Variants in TEX36 observed in about 807,000 individuals in gnomAD.
The protein encoded by TEX36 is testis expressed 36.
Under a neutral mutation model 13.6 loss-of-function variants are expected in TEX36, and 12 were observed. That is an observed-to-expected ratio of 0.88 (90% CI 0.56 to 1.43). TEX36 has a LOEUF of 1.43. TEX36 is among the 40% of genes most tolerant of loss of function. The pLI is 0.00. For synonymous variants in TEX36, 93 were observed against 83.0 expected, an observed-to-expected ratio of 1.12 and a Z score of -0.65; for missense variants, 224 against 228.3, an observed-to-expected ratio of 0.98 and a Z score of 0.12.
At chr10:125,676,185 A>T (rs546775526) in intron 1 of TEX36, among the ~76,000 whole-genome samples, 1 of 152,334 alleles carries the variant, frequency 6.6e-6, no homozygotes, top group Admixed American at 6.5e-5. Flanking sequence ...TACTGTCTAG[A>T]TTGTCTGTCT....
At chr10:125,599,006 A>G (rs556582510) in intron 3 of TEX36, among the ~76,000 whole-genome samples, 13 of 152,082 alleles carry the variant, frequency 8.5e-5, no homozygotes, top group Non-Finnish European at 1.9e-4. Flanking sequence ...TTTCTTAACC[A>G]TGACCTTGCC....
At chr10:125,629,192 T>C (rs1232068999) in intron 3 of TEX36, among the ~76,000 whole-genome samples, 1 of 152,094 alleles carries the variant, frequency 6.6e-6, no homozygotes, top group South Asian at 2.1e-4. Flanking sequence ...CCAGCACTGG[T>C]CACTCACAAA....
chr10:125,589,607 A>G (rs1845999086), intron 3 of TEX36, among the ~76,000 whole-genome samples: 1 of 152,226 alleles, frequency 6.6e-6, no homozygotes, highest in Non-Finnish European at 1.5e-5. Flanking sequence ...ATATTTCCAG[A>G]ATACATTGAA....
chr10:125,576,782 G>A (rs1350408470), exon 4 of TEX36: 3 of 1,535,524 alleles, frequency 2.0e-6, no homozygotes, highest in Non-Finnish European at 1.7e-6. Flanking sequence ...TAGTTCTCAG[G>A]CCTGGATGAG....
intron 3 of TEX36, among the ~76,000 whole-genome samples, chr10:125,626,166 C>T (rs1198683834): frequency 2.0e-5 from 3 of 152,190 alleles, no homozygotes; most frequent in African/African-American, 4.8e-5. Context: ...TGCCGCTGCC[C>T]AGTCCTGCTC....
At chr10:125,617,997 T>C (rs1309343773), downstream of TEX36, among the ~76,000 whole-genome samples, 1 of 149,840 alleles carries the variant, frequency 6.7e-6, no homozygotes, top group Non-Finnish European at 1.5e-5. Flanking sequence ...TTTTTATTCT[T>C]TTTTCTCTAA....
chr10:125,668,030 C>T (rs1453367509), intron 1 of TEX36: 12 of 672,538 alleles, frequency 1.8e-5, no homozygotes, highest in Non-Finnish European at 3.2e-5. Context: ...TGGTTGTCAA[C>T]AGAAATAAAT....
Position 125,656,176 on chromosome 10 carries a change from G to A in TEX36, c.285C>T (p.Ile95=). 1.5e-5 allele frequency: 23 copies of A among 1,492,146 alleles called. No individual in the cohort carries two copies. The highest frequency in any genetic ancestry group is 2.1e-5 in the Non-Finnish European group (23 of 1,115,200). 92.4% of individuals were successfully genotyped at this position (1,492,146 alleles called of 1,614,324 possible). The change falls in exon 4 of 4, where the codon ATC becomes ATT. Residue 95 remains isoleucine, a synonymous_variant. Transcript: ENST00000368821. ...YLDSGLGRKK[I]SPDKRQHVSR... ...AAACATGTTGCCTCTTATCTGGAGA[G>A]ATCTTCTTACGTCCCAGGCCCTGGA... is the stretch of plus-strand genomic sequence containing the variant.
intron 3 of TEX36, among the ~76,000 whole-genome samples, chr10:125,589,515 A>C (rs567838563): frequency 6.6e-6 from 1 of 152,180 alleles, no homozygotes; most frequent in Admixed American, 6.5e-5. Context: ...ATTTTAAAGG[A>C]GTGTCTTTCT....
chr10:125,662,904 C>G (rs1847069771), intron 1 of TEX36, among the ~76,000 whole-genome samples: 1 of 152,082 alleles, frequency 6.6e-6, no homozygotes, highest in Non-Finnish European at 1.5e-5. Context: ...AAGCTCACCC[C>G]AATGTTATTT....
At chr10:125,616,963 G>A (rs1164825961), downstream of TEX36, among the ~76,000 whole-genome samples, 1 of 152,114 alleles carries the variant, frequency 6.6e-6, no homozygotes, top group Non-Finnish European at 1.5e-5. Flanking sequence ...ATGAATCTGG[G>A]TGCTCTTGTA....
At chr10:125,674,893 G>T (rs191011654) in intron 1 of TEX36, among the ~76,000 whole-genome samples, 1 of 152,370 alleles carries the variant, frequency 6.6e-6, no homozygotes, top group East Asian at 1.9e-4. Flanking sequence ...CCAGTCAGGA[G>T]GCATGGGAAC....
rs1323340564 is a variant in TEX36 at position 125,614,831 on chromosome 10, A to G, written c.265-37957T>C. On this transcript the variant is annotated intron_variant, in intron 3 of 3. Transcript: ENST00000532135. Reference sequence around the variant, plus strand: ...CAATTCTGTGAAGAAAGTCATTGGTAGCTTGATGGGGATGGCATTGAATCT... The same window carrying G: ...CAATTCTGTGAAGAAAGTCATTGGTGGCTTGATGGGGATGGCATTGAATCT... Among the ~76,000 whole-genome samples, 20 of 152,326 alleles carry G rather than the reference A, an allele frequency of 1.3e-4. No homozygotes were observed. In the East Asian group the frequency reaches 3.9e-3, roughly 29 times the overall value.
At chr10:125,582,701 G>C (rs2133523306) in intron 3 of TEX36, among the ~76,000 whole-genome samples, 1 of 152,256 alleles carries the variant, frequency 6.6e-6, no homozygotes, top group East Asian at 1.9e-4. Flanking sequence ...AATTTACATG[G>C]ATTAAGAGCT....
chr10:125,617,533 C>G (rs1471175398), downstream of TEX36, among the ~76,000 whole-genome samples: 8 of 152,128 alleles, frequency 5.3e-5, no homozygotes, highest in African/African-American at 1.7e-4. Flanking sequence ...TTTTATTTCT[C>G]TTTCACTTAT....
downstream of TEX36, among the ~76,000 whole-genome samples, chr10:125,651,860 C>T (rs1236138191): frequency 6.6e-6 from 1 of 152,150 alleles, no homozygotes; most frequent in African/African-American, 2.4e-5. Flanking sequence ...ATAACACAAA[C>T]AGTGAGCCAA....
chr10:125,632,728 C>G (rs1337099785), intron 3 of TEX36, among the ~76,000 whole-genome samples: 1 of 152,124 alleles, frequency 6.6e-6, no homozygotes, highest in Non-Finnish European at 1.5e-5. Flanking sequence ...CTGGGGTGGG[C>G]CAAAACTAGT....
At chr10:125,609,330 G>T (rs1418200039) in intron 3 of TEX36, among the ~76,000 whole-genome samples, 1 of 152,162 alleles carries the variant, frequency 6.6e-6, no homozygotes, top group Non-Finnish European at 1.5e-5. Context: ...AATTGCCTGA[G>T]TTCAGTGTCT....
In TEX36 at chr10:125,605,661, G is replaced by A. The variant is rs140452001; in HGVS notation, c.265-28787C>T. ...CTGTCACCCAGGCTGGAGCACAGTG[G>A]TGCCATCTCCGCTCACTGCAACCTC... On this transcript the variant is annotated intron_variant, in intron 3 of 3. Transcript: ENST00000532135. Among the ~76,000 whole-genome samples the A allele has an allele frequency of 8.0e-3, 1,214 of 152,240 alleles. 7 individuals are homozygous for A. The highest frequency in any genetic ancestry group is 0.027 in the Middle Eastern group (8 of 294).
Sources: allele counts gnomAD v4.1 joint callset (sites outside exome capture counted in the v4.1 genomes callset), GRCh38; gene constraint gnomAD v4.1.1; transcripts MANE v1.5; gene names NCBI Gene and HGNC (gene_info 2026-07-23, HGNC 2026-07-21).